Variants in ITPR3 observed in about 807,000 individuals in gnomAD.
ITPR3 encodes inositol 1,4,5-trisphosphate receptor type 3.
ITPR3 carries 173 observed loss-of-function variants against 293.2 expected under a neutral mutation model. That is an observed-to-expected ratio of 0.59 (90% CI 0.52 to 0.67). The LOEUF (loss-of-function observed/expected upper bound fraction) is 0.67. Among genes scored for constraint, ITPR3 ranks in the 30% least tolerant of loss-of-function variants. The pLI, the probability that ITPR3 is intolerant of heterozygous loss-of-function variation, is 0.00. For synonymous variants in ITPR3, 1,295 were observed against 1,444.4 expected (o/e 0.90, Z 2.35); for missense variants, 2,796 against 3,592.1 (o/e 0.78, Z 5.66).
At position 33,655,828 on chromosome 6, in the gene ITPR3, A is replaced by T. The variant is rs1322232105; in HGVS notation, c.223A>T (p.Lys75Ter). Residue 75 changes from lysine (K) to a stop codon, truncating the protein, a stop_gained, in exon 3 of 58, where the codon AAG becomes TAG. Coordinates refer to ENST00000605930, the MANE Select transcript of ITPR3 (RefSeq NM_002224.4). LOFTEE classifies it high-confidence loss of function. This position sits in a 1 kb window ranked among gnomAD's most constrained non-coding sequence, Gnocchi z 4.9. ...YSAQKQYWKA[K>*]QTKQDKEKIA... ...GGCCCAGAAGCAGTACTGGAAGGCCAAGCAGACTAAGCAGGACAAGGAGAA... is the reference window on the plus strand; with the variant it reads ...GGCCCAGAAGCAGTACTGGAAGGCCTAGCAGACTAAGCAGGACAAGGAGAA... The T allele has an allele frequency of 6.2e-7, 1 of 1,614,116 alleles. No homozygotes were observed.
intron 2 of ITPR3, among the ~76,000 whole-genome samples, chr6:33,650,326 T>G (rs1764157882): frequency 6.6e-6 from 1 of 152,260 alleles, no homozygotes; most frequent in South Asian, 2.1e-4. Flanking sequence ...CAGCATCTTC[T>G]GGCATGTGTA....
chr6:33,672,920 T>G lies in ITPR3; in HGVS notation c.2929-671T>G, dbSNP rs1764807531. Among the ~76,000 whole-genome samples, 1 of 152,134 alleles carries G rather than the reference T, an allele frequency of 6.6e-6. No individual in the cohort carries two copies. Among genetic ancestry groups the G allele is most frequent in the Non-Finnish European group, 1.5e-5 (1 of 68,016 alleles). On this transcript the variant is annotated intron_variant, in intron 22 of 57. Coordinates refer to ENST00000605930, the MANE Select transcript of ITPR3 (RefSeq NM_002224.4). This position sits in a 1 kb window ranked among gnomAD's most constrained non-coding sequence, Gnocchi z 5.0. Reference sequence around the variant, plus strand: ...GAAGGGGCTCATCCCCGAGGAGGGATGAGGATGCTTGCTTTTGCCTTGCTG... The same window carrying G: ...GAAGGGGCTCATCCCCGAGGAGGGAGGAGGATGCTTGCTTTTGCCTTGCTG...
chr6:33,695,137 T>A, intron 57 of ITPR3, 52 bp downstream of exon 57: 1 of 1,588,020 alleles, frequency 6.3e-7, no homozygotes, highest in Non-Finnish European at 8.6e-7. Context: ...CCCTGGGCAG[T>A]CCCTGCCTGC....
chr6:33,658,548 T>C lies in ITPR3; in HGVS notation c.370-122T>C. On this transcript the variant is annotated intron_variant, in intron 4 of 57. Transcript: ENST00000605930. This position sits in a 1 kb window ranked among gnomAD's most constrained non-coding sequence, Gnocchi z 6.1. ...TGTCAGCCTGTATGTTTGTGACAGG[T>C]GTCTGACACTATGTGTGCAGCCAGA... The C allele has an allele frequency of 3.5e-6, 4 of 1,146,906 alleles. No individual in the cohort carries two copies. Among genetic ancestry groups the C allele is most frequent in the Non-Finnish European group, 5.0e-6 (4 of 795,974 alleles). 71.0% of individuals were successfully genotyped at this position (1,146,906 alleles called of 1,614,324 possible).
chr6:33,661,815 T>C (rs1764475056), intron 7 of ITPR3, among the ~76,000 whole-genome samples: 1 of 150,622 alleles, frequency 6.6e-6, no homozygotes, highest in African/African-American at 2.4e-5. Flanking sequence ...GGCAACATGG[T>C]GAAACCCCGT....
chr6:33,667,384 T>C lies in ITPR3; in HGVS notation c.1713+94T>C. On this transcript the variant is annotated intron_variant, in intron 15 of 57. Transcript: ENST00000605930. The surrounding 1 kb of genome is among the most constrained non-coding windows in gnomAD (Gnocchi z 4.4). ...CACATGTGCTGTGCCAGGCACTGTT[T>C]TGGGGCCTAGGGTCCAGTAGGGCAC... 1 of 1,474,276 alleles carries C rather than the reference T, an allele frequency of 6.8e-7. No individual in the cohort carries two copies. Among genetic ancestry groups the C allele is most frequent in the Non-Finnish European group, 9.1e-7 (1 of 1,102,616 alleles). 91.3% of individuals were successfully genotyped at this position (1,474,276 alleles called of 1,614,324 possible). A position where few individuals can be genotyped will look rare whatever the true frequency, so the allele number is the denominator to read the frequency against.
chr6:33,657,829 G>A, intron 3 of ITPR3, 103 bp from the exon 4 acceptor site: 2 of 858,134 alleles, frequency 2.3e-6, no homozygotes, highest in Non-Finnish European at 3.8e-6. Flanking sequence ...GTGTGTGTGT[G>A]TGTGTTTGTG....
chr6:33,647,317 T>G (rs985867490), intron 2 of ITPR3, among the ~76,000 whole-genome samples: 3 of 152,190 alleles, frequency 2.0e-5, no homozygotes, highest in African/African-American at 7.2e-5. Flanking sequence ...TGAGCCACTG[T>G]GCCTGGCAAA....
chr6:33,635,845 A>C, intron 1 of ITPR3, among the ~76,000 whole-genome samples: 1 of 142,306 alleles, frequency 7.0e-6, no homozygotes, highest in Non-Finnish European at 1.5e-5. Context: ...GGTGAGGGGA[A>C]GGGGGATGGG....
In ITPR3 at chr6:33,673,843, A is replaced by G. The variant is rs1273120667; in HGVS notation, c.3058+123A>G. The G allele has an allele frequency of 4.4e-6, 5 of 1,141,064 alleles. No homozygotes were observed. In the African/African-American group the frequency reaches 7.8e-5, roughly 18 times the overall value. The allele number at this position is 1,141,064 out of a possible 1,614,324, so 70.7% of individuals were successfully genotyped here. ...TAGTCTGCAAAGGCCTTTTCTTTCC[A>G]CTGTCTCATTTAATTGCCTCAGTGA... On this transcript the variant is annotated intron_variant, in intron 23 of 57. Coordinates refer to ENST00000605930, the MANE Select transcript of ITPR3 (RefSeq NM_002224.4).
chr6:33,695,191 C>CA, intron 57 of ITPR3, 106 bp downstream of exon 57: 1 of 1,284,874 alleles, frequency 7.8e-7, no homozygotes, highest in Non-Finnish European at 1.1e-6. Flanking sequence ...GGCCTCTGGC[C>CA]CTGGGCCTGG....
chr6:33,643,370 A>G (rs1260702110), intron 2 of ITPR3, among the ~76,000 whole-genome samples: 1 of 152,076 alleles, frequency 6.6e-6, no homozygotes, highest in Non-Finnish European at 1.5e-5. Flanking sequence ...GAATCCCTGC[A>G]TGGCTCCTTG....
In ITPR3 at chr6:33,695,618, C is replaced by T. The variant is rs368961764; in HGVS notation, c.7948-94C>T. 200 of 1,285,866 alleles carry T rather than the reference C, an allele frequency of 1.6e-4. 1 individual carries two copies. The Middle Eastern group carries it at 1.7e-3, about 11-fold the overall frequency. The allele number at this position is 1,285,866 out of a possible 1,614,324, so 79.7% of individuals were successfully genotyped here. On this transcript the variant is annotated intron_variant, in intron 57 of 57. Transcript: ENST00000605930. Reference sequence around the variant, plus strand: ...CAGTGCCGAATAGCAGCTGGGCCCACAGGGGAAGACGGGTGCCAAGCTCTT... The same window carrying T: ...CAGTGCCGAATAGCAGCTGGGCCCATAGGGGAAGACGGGTGCCAAGCTCTT...
At chr6:33,649,992 C>A (rs1764151101) in intron 2 of ITPR3, among the ~76,000 whole-genome samples, 1 of 152,202 alleles carries the variant, frequency 6.6e-6, no homozygotes, top group Non-Finnish European at 1.5e-5. Flanking sequence ...TAGCCTCTTG[C>A]CTGCAGCCTC....
At chr6:33,677,662 G>T (rs368683848) in intron 28 of ITPR3, 33 bp downstream of exon 28, 1 of 1,608,508 alleles carries the variant, frequency 6.2e-7, no homozygotes, top group Admixed American at 1.7e-5. Context: ...GACTCCCCAG[G>T]GTGGCTTCCC....
At chr6:33,694,848 C>T (rs111385561) in intron 56 of ITPR3, 76 bp from the exon 57 acceptor site, 15 of 1,576,508 alleles carry the variant, frequency 9.5e-6, no homozygotes, top group South Asian at 5.6e-5. Flanking sequence ...AGCCTCCCCC[C>T]ACATTACTGT....
chr6:33,654,234 C>T lies in ITPR3; in HGVS notation c.161-1532C>T, dbSNP rs546937713. Among the ~76,000 whole-genome samples, 27 of 152,162 alleles carry T rather than the reference C, an allele frequency of 1.8e-4. No homozygotes were observed. Among genetic ancestry groups the T allele is most frequent in the African/African-American group, 5.1e-4 (21 of 41,520 alleles). ...AGTGAGCCGAGATTGCATCACTGCA[C>T]TCCAGCCTGAGCTACAGAGTGAGAC... On this transcript the variant is annotated intron_variant, in intron 2 of 57. Transcript: ENST00000605930. This position sits in a 1 kb window ranked among gnomAD's most constrained non-coding sequence, Gnocchi z 4.1.
Position 33,667,704 on chromosome 6 carries a change from C to A in ITPR3, c.1714-88C>A. 6.8e-7 allele frequency: 1 copy of A among 1,461,898 alleles called. No homozygotes were observed. The highest frequency in any genetic ancestry group is 1.3e-5 in the South Asian group (1 of 79,474). The allele number at this position is 1,461,898 out of a possible 1,614,324, so 90.6% of individuals were successfully genotyped here. ...TTTCTAGGGTATTGGGTCCTTACCT[C>A]GGGGTTTGGGGGCAGCGTTCCAGAG... On this transcript the variant is annotated intron_variant, in intron 15 of 57. Transcript: ENST00000605930. The surrounding 1 kb of genome is among the most constrained non-coding windows in gnomAD (Gnocchi z 4.4).
In ITPR3 at chr6:33,667,319, C is replaced by T. The variant is rs187841491; in HGVS notation, c.1713+29C>T. On this transcript the variant is annotated intron_variant, in intron 15 of 57. Transcript: ENST00000605930. The surrounding 1 kb of genome is among the most constrained non-coding windows in gnomAD (Gnocchi z 4.4). ...CGCCGCTGCCCTGCTGGCCCACTCG[C>T]TGGCTGCACGTTCCTTCCTCAGCAA... 58 of 1,602,974 alleles carry T rather than the reference C, an allele frequency of 3.6e-5. 1 individual carries two copies. The East Asian group carries it at 1.3e-3, about 36-fold the overall frequency.
Sources: gnomAD v4.1 joint callset for allele counts (sites outside exome capture counted in the v4.1 genomes callset) on GRCh38, gnomAD v4.1.1 for gene constraint, Gnocchi (gnomAD v3.1) non-coding constraint, MANE v1.5 for transcripts, NCBI Gene and HGNC (gene_info 2026-07-23, HGNC 2026-07-21) for gene names.